SLC38A11: variants seen among roughly 807,000 people sequenced by gnomAD.
The protein encoded by SLC38A11 is putative sodium-coupled neutral amino acid transporter 11.
In SLC38A11, 51 loss-of-function variants were observed where a neutral mutation model predicts 49.4. That is an observed-to-expected ratio of 1.03 (90% CI 0.83 to 1.30). The LOEUF is 1.30. Ranked by LOEUF, SLC38A11 falls within the 50% of genes most tolerant of loss-of-function variation. The pLI, the probability that SLC38A11 is intolerant of heterozygous loss-of-function variation, is 0.00. For missense variants in SLC38A11, 574 were observed against 556.2 expected (o/e 1.03, Z -0.32); for synonymous variants, 203 against 192.9 (o/e 1.05, Z -0.43).
intron 8 of SLC38A11, 130 bp from the exon 9 acceptor site, chr2:164,915,403 T>C (rs1685711957): frequency 1.6e-5 from 12 of 755,374 alleles, no homozygotes; most frequent in Non-Finnish European, 2.4e-5. Context: ...TTTATTAATA[T>C]GTCAGAAAAT....
intron 4 of SLC38A11, among the ~76,000 whole-genome samples, chr2:164,945,078 G>T (rs1688012848): frequency 6.6e-6 from 1 of 152,040 alleles, no homozygotes; most frequent in African/African-American, 2.4e-5. Context: ...GAGACATATG[G>T]AACTAGTGGT....
chr2:164,912,614 C>G lies in SLC38A11; in HGVS notation c.851-866G>C, dbSNP rs568323254. On this transcript the variant is annotated intron_variant, in intron 9 of 11. Transcript: ENST00000685975. ...TTTCATCCCAACCTTGGGGCCACAG[C>G]GAGAAATTCCAAACATATGTTACCT... Among the ~76,000 whole-genome samples the G allele has an allele frequency of 1.1e-4, 17 of 152,150 alleles. No individual in the cohort carries two copies. In the South Asian group the frequency reaches 3.1e-3, roughly 28 times the overall value.
chr2:164,923,757 A>G (rs1434795607), intron 7 of SLC38A11, among the ~76,000 whole-genome samples: 1 of 151,904 alleles, frequency 6.6e-6, no homozygotes, highest in Non-Finnish European at 1.5e-5. Context: ...TGATTGCACC[A>G]CTGCACTCCA....
intron 11 of SLC38A11, among the ~76,000 whole-genome samples, chr2:164,900,772 A>T (rs535901286): frequency 1.3e-5 from 2 of 151,872 alleles, no homozygotes; most frequent in South Asian, 2.1e-4. Flanking sequence ...CCCGCCCTGC[A>T]CCCCCTCCCC....
intron 5 of SLC38A11, among the ~76,000 whole-genome samples, chr2:164,940,078 T>C (rs1404716733): frequency 6.6e-6 from 1 of 150,728 alleles, no homozygotes; most frequent in East Asian, 1.9e-4. Context: ...TAAAAATATT[T>C]AATATATTTC....
At position 164,898,114 on chromosome 2, in the gene SLC38A11, T is replaced by G. The variant is rs1192218367; in HGVS notation, c.*323A>C. 1 of 118,750 alleles carries G rather than the reference T, an allele frequency of 8.4e-6. No individual in the cohort carries two copies. Among genetic ancestry groups the G allele is most frequent in the Non-Finnish European group, 1.6e-5 (1 of 61,880 alleles). 7.4% of individuals were successfully genotyped at this position (118,750 alleles called of 1,614,324 possible). ...CACAAAATTCCAACCCACAATCACC[T>G]ACTTATTTTGGAGCACAATATACTG... On this transcript the variant is annotated 3_prime_UTR_variant, in exon 12 of 12. Coordinates refer to ENST00000685975, the MANE Select transcript of SLC38A11 (RefSeq NM_001351537.2).
rs1025673495 is a variant in SLC38A11 at position 164,900,748 on chromosome 2, C to T, written c.1096-2018G>A. Among the ~76,000 whole-genome samples the T allele has an allele frequency of 7.2e-5, 11 of 151,828 alleles. No homozygotes were observed. In the East Asian group the frequency reaches 7.7e-4, roughly 11 times the overall value. On this transcript the variant is annotated intron_variant, in intron 11 of 11. Coordinates refer to ENST00000685975, the MANE Select transcript of SLC38A11 (RefSeq NM_001351537.2). ...TGCAAATATTTTTTCCCAATCTGTA[C>T]GTTGTCTTTTCTTCCCGCCCTGCAC...
chr2:164,936,532 C>T (rs1018441684), intron 7 of SLC38A11, among the ~76,000 whole-genome samples: 1 of 152,064 alleles, frequency 6.6e-6, no homozygotes, highest in African/African-American at 2.4e-5. Context: ...TTTTCTTTGC[C>T]TCTTTAGAGA....
At chr2:164,929,773 T>C (rs1267860671) in intron 7 of SLC38A11, among the ~76,000 whole-genome samples, 1 of 152,074 alleles carries the variant, frequency 6.6e-6, no homozygotes, top group Non-Finnish European at 1.5e-5. Flanking sequence ...GGATGATAAT[T>C]TATACATCAT....
At chr2:164,938,435 G>A (rs964461554) in intron 6 of SLC38A11, among the ~76,000 whole-genome samples, 2 of 152,042 alleles carry the variant, frequency 1.3e-5, no homozygotes, top group African/African-American at 4.8e-5. Context: ...AAAATGCTCA[G>A]GTATTAATAA....
At chr2:164,908,513 C>A in intron 11 of SLC38A11, 127 bp downstream of exon 11, 2 of 826,134 alleles carry the variant, frequency 2.4e-6, no homozygotes, top group African/African-American at 1.8e-5. Context: ...TTTACTATTA[C>A]AAACATATTT....
At chr2:164,941,862 GT>G (rs1171474149) in intron 5 of SLC38A11, among the ~76,000 whole-genome samples, 3 of 151,974 alleles carry the variant, frequency 2.0e-5, no homozygotes, top group Non-Finnish European at 4.4e-5. Flanking sequence ...AAAGAAGCAT[GT>G]TATAGAACAA....
intron 7 of SLC38A11, among the ~76,000 whole-genome samples, chr2:164,926,765 A>G (rs552309853): frequency 6.6e-6 from 1 of 150,916 alleles, no homozygotes. Flanking sequence ...TCGCAAGGAC[A>G]GAAAATCAAA....
At position 164,916,934 on chromosome 2, in the gene SLC38A11, C is replaced by T. The variant is rs34320980; in HGVS notation, c.618-961G>A. Among the ~76,000 whole-genome samples, 220 of 152,220 alleles carry T rather than the reference C, an allele frequency of 1.4e-3. 2 individuals carry two copies. Among genetic ancestry groups the T allele is most frequent in the Non-Finnish European group, 2.4e-3 (163 of 68,016 alleles). Reference sequence around the variant, plus strand: ...GGACCTCTCTGTGCTTCAATTTCAACATTTATAAACTGGGGATAATTGTAG... The same window carrying T: ...GGACCTCTCTGTGCTTCAATTTCAATATTTATAAACTGGGGATAATTGTAG... On this transcript the variant is annotated intron_variant, in intron 7 of 11. Coordinates refer to ENST00000685975, the MANE Select transcript of SLC38A11 (RefSeq NM_001351537.2).
chr2:164,902,454 T>C (rs1440257308), intron 11 of SLC38A11, among the ~76,000 whole-genome samples: 4 of 152,186 alleles, frequency 2.6e-5, no homozygotes, highest in Admixed American at 2.6e-4. Flanking sequence ...AAATGCAAGC[T>C]TTTCATAAAC....
intron 7 of SLC38A11, chr2:164,922,242 A>G (rs958520107): frequency 3.9e-5 from 6 of 152,204 alleles, no homozygotes; most frequent in African/African-American, 1.4e-4. Context: ...TCAGCTAAAC[A>G]GAAGCACTTT....
At chr2:164,915,347 T>G in intron 8 of SLC38A11, 74 bp from the exon 9 acceptor site, 14 of 1,327,192 alleles carry the variant, frequency 1.1e-5, no homozygotes, top group Non-Finnish European at 1.4e-5. Context: ...AATTCAGAGA[T>G]ATATACTACT....
At chr2:164,948,241 CT>C (rs1234367599) in intron 3 of SLC38A11, among the ~76,000 whole-genome samples, 1 of 152,150 alleles carries the variant, frequency 6.6e-6, no homozygotes, top group Non-Finnish European at 1.5e-5. Context: ...GCTATTTCTA[CT>C]TATTTTTGAC....
rs1443460102 is a variant in SLC38A11, at chr2:164,895,110, A to G, written c.*3327T>C. Among the ~76,000 whole-genome samples, 1 of 152,198 alleles carries G rather than the reference A, an allele frequency of 6.6e-6. No homozygotes were observed. The highest frequency in any genetic ancestry group is 1.5e-5 in the Non-Finnish European group (1 of 68,020). ...CAATCTGTGTTTCAACAAGGCCTCC[A>G]GGTGATTCTGACACATGTCCAAGTT... On this transcript the variant is annotated 3_prime_UTR_variant, in exon 12 of 12. Transcript: ENST00000685975.
Sources: allele counts gnomAD v4.1 joint callset (sites outside exome capture counted in the v4.1 genomes callset), GRCh38; gene constraint gnomAD v4.1.1; transcripts MANE v1.5; gene names NCBI Gene and HGNC (gene_info 2026-07-23, HGNC 2026-07-21).